Variants in TPRG1 observed in about 807,000 individuals in gnomAD.
TPRG1 encodes tumor protein p63 regulated 1.
Under a neutral mutation model 29.3 loss-of-function variants are expected in TPRG1, and 29 were observed. The ratio of observed to expected loss-of-function variants is 0.99; its 90% CI spans 0.74 to 1.35. The LOEUF (loss-of-function observed/expected upper bound fraction) is 1.35, where lower values mean the gene tolerates loss of function less well. Ranked by LOEUF, TPRG1 falls within the 40% of genes most tolerant of loss-of-function variation. The pLI is 0.00. For synonymous variants in TPRG1, 130 were observed against 116.8 expected (o/e 1.11, Z -0.73); for missense variants, 327 against 335.0 (o/e 0.98, Z 0.19).
intron 4 of TPRG1, among the ~76,000 whole-genome samples, chr3:189,045,123 A>G (rs1714893666): frequency 6.6e-6 from 1 of 152,196 alleles, no homozygotes; most frequent in Non-Finnish European, 1.5e-5. Context: ...GTTAAGGTCT[A>G]TTTTTAATCA....
At chr3:189,091,145 TG>T (rs1243771554) in intron 4 of TPRG1, among the ~76,000 whole-genome samples, 1 of 152,166 alleles carries the variant, frequency 6.6e-6, no homozygotes, top group African/African-American at 2.4e-5. Context: ...AGAAAGAGTG[TG>T]TATGAAATAA....
intron 4 of TPRG1, among the ~76,000 whole-genome samples, chr3:189,057,818 GTATA>G (rs569838324): frequency 0.013 from 1,741 of 134,706 alleles, 31 homozygotes; most frequent in African/African-American, 0.048. Context: ...ATATATGTGT[GTATA>G]TATATACACA....
chr3:189,186,599 G>C (rs1050506912), intron 1 of TPRG1, among the ~76,000 whole-genome samples: 2 of 151,988 alleles, frequency 1.3e-5, no homozygotes, highest in African/African-American at 4.8e-5. Flanking sequence ...TAGTCTTATT[G>C]ATTTGGTATT....
At chr3:189,264,194 A>G (rs1454826170) in intron 4 of TPRG1, among the ~76,000 whole-genome samples, 1 of 152,182 alleles carries the variant, frequency 6.6e-6, no homozygotes, top group Admixed American at 6.5e-5. Context: ...GTTAAATTTG[A>G]TGCCCTTTAA....
intron 1 of TPRG1, among the ~76,000 whole-genome samples, chr3:189,197,000 G>A (rs893241608): frequency 6.6e-6 from 1 of 152,158 alleles, no homozygotes; most frequent in Non-Finnish European, 1.5e-5. Context: ...AAGAACATGT[G>A]GTTGTGGAAT....
rs368112668 is a variant in TPRG1, at chr3:189,230,218, G to A, written c.303-8515G>A. ...CATTTAAAATATCCTCTTACTGATG[G>A]TAGTGCAGTAGAGAGAGCAAAATTG... is the stretch of plus-strand genomic sequence containing the variant. On this transcript the variant is annotated intron_variant, in intron 3 of 5. Coordinates refer to ENST00000345063, the MANE Select transcript of TPRG1 (RefSeq NM_198485.4). Among the ~76,000 whole-genome samples the A allele has an allele frequency of 1.1e-4, 17 of 152,138 alleles. 1 individual carries two copies. The East Asian group carries it at 1.2e-3, about 10-fold the overall frequency.
chr3:189,038,520 G>A (rs1714427020), intron 4 of TPRG1, among the ~76,000 whole-genome samples: 1 of 151,976 alleles, frequency 6.6e-6, no homozygotes, highest in African/African-American at 2.4e-5. Flanking sequence ...AGATAAACTG[G>A]TGAGAAAATA....
intron 5 of TPRG1, among the ~76,000 whole-genome samples, chr3:189,159,524 A>G (rs573903860): frequency 9.8e-5 from 15 of 152,308 alleles, no homozygotes; most frequent in African/African-American, 3.6e-4. Flanking sequence ...ATGATCTCGT[A>G]CAACTCCCAC....
intron 3 of TPRG1, among the ~76,000 whole-genome samples, chr3:189,008,400 C>CA (rs1712419518): frequency 6.6e-6 from 1 of 152,098 alleles, no homozygotes; most frequent in Non-Finnish European, 1.5e-5. Context: ...AGGATCTCTT[C>CA]AAATATGATT....
chr3:189,006,895 T>C (rs931923880), intron 3 of TPRG1, among the ~76,000 whole-genome samples: 5 of 152,108 alleles, frequency 3.3e-5, no homozygotes, highest in Admixed American at 2.0e-4. Flanking sequence ...CCGCATGGCC[T>C]GCAAAATTTA....
chr3:189,233,527 A>C (rs1244447089), intron 3 of TPRG1, among the ~76,000 whole-genome samples: 1 of 152,052 alleles, frequency 6.6e-6, no homozygotes, highest in African/African-American at 2.4e-5. Flanking sequence ...CCATCTCCTC[A>C]ATTGGGGAAG....
At chr3:189,181,573 C>G (rs985151662) in intron 1 of TPRG1, among the ~76,000 whole-genome samples, 1 of 152,190 alleles carries the variant, frequency 6.6e-6, no homozygotes, top group East Asian at 1.9e-4. Context: ...TAGTTCCCAA[C>G]AAGTTCCTCA....
intron 1 of TPRG1, among the ~76,000 whole-genome samples, chr3:189,185,491 A>C (rs985917857): frequency 2.6e-5 from 4 of 152,100 alleles, no homozygotes; most frequent in Non-Finnish European, 5.9e-5. Context: ...CTCCCAAAGC[A>C]CTGGGATTAC....
chr3:189,205,472 A>G (rs563003678), intron 1 of TPRG1, among the ~76,000 whole-genome samples: 7 of 152,362 alleles, frequency 4.6e-5, no homozygotes, highest in East Asian at 1.9e-4. Flanking sequence ...CTAATAAATT[A>G]TATGATCATA....
intron 3 of TPRG1, among the ~76,000 whole-genome samples, chr3:189,008,217 T>C (rs1013362097): frequency 6.6e-6 from 1 of 152,030 alleles, no homozygotes; most frequent in Non-Finnish European, 1.5e-5. Flanking sequence ...GGGTGAGCAA[T>C]GCGAGTGCCA....
intron 4 of TPRG1, chr3:189,240,709 G>A (rs1740426041): frequency 6.6e-6 from 1 of 152,132 alleles, no homozygotes; most frequent in Non-Finnish European, 1.5e-5. Context: ...ACGACACATG[G>A]GAATTGTGGG....
chr3:189,060,833 T>C (rs1476271162), intron 4 of TPRG1, among the ~76,000 whole-genome samples: 2 of 152,166 alleles, frequency 1.3e-5, no homozygotes, highest in Non-Finnish European at 2.9e-5. Flanking sequence ...TGGTCATGGA[T>C]AGGAAGAATC....
chr3:189,314,542 A>G (rs35603374), intron 5 of TPRG1, among the ~76,000 whole-genome samples: 57,955 of 151,968 alleles, frequency 0.38, 11,859 homozygotes, highest in Middle Eastern at 0.49. Context: ...TGGTGGTCAA[A>G]TGGCCTTTTC....
intron 3 of TPRG1, among the ~76,000 whole-genome samples, chr3:189,019,373 G>A (rs549626568): frequency 1.3e-3 from 204 of 152,232 alleles, no homozygotes; most frequent in African/African-American, 4.5e-3. Context: ...TGGGTTTGTC[G>A]TAGATAGCTC....
Sources: allele counts gnomAD v4.1 joint callset (sites outside exome capture counted in the v4.1 genomes callset), GRCh38; gene constraint gnomAD v4.1.1; transcripts MANE v1.5; gene names NCBI Gene and HGNC (gene_info 2026-07-23, HGNC 2026-07-21).